The following BCOR variants were observed in gnomAD, a reference collection of about 807,000 sequenced individuals.
The protein encoded by BCOR is BCL-6 corepressor.
BCOR carries 10 observed loss-of-function variants against 86.7 expected under a neutral mutation model. That is an observed-to-expected ratio of 0.12 (90% CI 0.07 to 0.20). BCOR has a LOEUF of 0.20. Among genes scored for constraint, BCOR ranks in the 10% least tolerant of loss-of-function variants. The pLI is 1.00. For synonymous variants in BCOR, 611 were observed against 609.0 expected, an observed-to-expected ratio of 1.00 and a Z score of -0.05; for missense variants, 1,259 against 1,452.1, an observed-to-expected ratio of 0.87 and a Z score of 2.16.
chrX:40,057,467 G>A (rs1396645634), intron 10 of BCOR, 146 bp from the exon 11 acceptor site: 3 of 590,818 alleles, frequency 5.1e-6, no homozygotes, highest in Non-Finnish European at 8.2e-6. Flanking sequence ...TTGGTGAGGG[G>A]GAAACACATG....
chrX:40,113,932 C>T (rs1416834770), intron 1 of BCOR, among the ~76,000 whole-genome samples: 2 of 110,401 alleles, frequency 1.8e-5, no homozygotes, highest in East Asian at 5.6e-4. Flanking sequence ...GATTCTGCTG[C>T]CTTGGTCTCC....
chrX:40,064,538 A>G lies in BCOR; in HGVS notation c.3300T>C (p.Leu1100=). 8.3e-7 allele frequency: 1 copy of G among 1,211,879 alleles called. No homozygotes were observed. The highest frequency in any genetic ancestry group is 1.1e-6 in the Non-Finnish European group (1 of 895,459). ...DPFEAPEDKD[L]PVEKYFVERQ... ...TCTCCACAAAGTACTTCTCCACAGG[A>G]AGATCTTTGTCCTCTGGGGCTTCAA... Residue 1100 remains leucine (L), a synonymous_variant, in exon 7 of 15, where the codon CTT becomes CTC. Transcript: ENST00000378444.
rs1460236900 is a variant in BCOR, at chrX:40,073,357, A to T, written c.1989T>A (p.Pro663=). 8.3e-7 allele frequency: 1 copy of T among 1,210,930 alleles called. No homozygotes were observed. The highest frequency in any genetic ancestry group is 1.7e-5 in the African/African-American group (1 of 57,598). ...YPRSYLPYPA[P]EGIAVSPLSL... The stretch of plus-strand genomic sequence containing the variant: ...AGAGGGGACTTACAGCAATGCCCTC[A>T]GGGGCTGGGTAAGGGAGGTAACTCC... Residue 663 remains proline (P), a synonymous_variant, in exon 4 of 15, where the codon CCT becomes CCA. Transcript: ENST00000378444.
intron 1 of BCOR, among the ~76,000 whole-genome samples, chrX:40,169,664 C>A (rs191014442): frequency 2.2e-4 from 25 of 111,492 alleles, no homozygotes; most frequent in Non-Finnish European, 2.3e-4. Context: ...CAATCCCCCC[C>A]CTACTGGTCG....
chrX:40,064,270 T>TC (rs1935071045), intron 7 of BCOR, 66 bp downstream of exon 7: 1 of 1,196,024 alleles, frequency 8.4e-7, no homozygotes, highest in East Asian at 3.0e-5. Flanking sequence ...ACATCTCCTG[T>TC]CCATCCACTG....
intron 1 of BCOR, among the ~76,000 whole-genome samples, chrX:40,110,980 T>C (rs762597732): frequency 9.0e-6 from 1 of 110,659 alleles, no homozygotes; most frequent in South Asian, 3.8e-4. Context: ...CCCAAAGTGC[T>C]GGGATTACAG....
chrX:40,111,167 G>A (rs1467051758), intron 1 of BCOR, among the ~76,000 whole-genome samples: 1 of 111,563 alleles, frequency 9.0e-6, no homozygotes, highest in Non-Finnish European at 1.9e-5. Context: ...TTAAGTCATC[G>A]TTTCATACCT....
intron 1 of BCOR, among the ~76,000 whole-genome samples, chrX:40,095,143 C>T (rs1365164683): frequency 9.0e-6 from 1 of 111,393 alleles, no homozygotes; most frequent in African/African-American, 3.3e-5. Context: ...TTAATCATCG[C>T]CTTCCCCCCC....
chrX:40,091,091 T>G (rs1020541199), intron 1 of BCOR, among the ~76,000 whole-genome samples: 2 of 112,270 alleles, frequency 1.8e-5, no homozygotes, highest in African/African-American at 3.2e-5. Flanking sequence ...TCACCTGCTC[T>G]GCCCCTGGCA....
chrX:40,172,411 GAA>G (rs1418121744), intron 1 of BCOR, among the ~76,000 whole-genome samples: 1 of 113,008 alleles, frequency 8.8e-6, no homozygotes, highest in Non-Finnish European at 1.9e-5. Context: ...ACCTTGGGGG[GAA>G]AGAGGGCAGC....
chrX:40,066,945 C>T (rs1215064566), intron 6 of BCOR, among the ~76,000 whole-genome samples: 3 of 99,527 alleles, frequency 3.0e-5, no homozygotes, highest in Non-Finnish European at 6.1e-5. Flanking sequence ...ATCAAATCCC[C>T]ATCAGATTAA....
chrX:40,164,773 G>C (rs1938481550), intron 1 of BCOR, among the ~76,000 whole-genome samples: 1 of 112,335 alleles, frequency 8.9e-6, no homozygotes, highest in African/African-American at 3.2e-5. Context: ...TGCAAGAAGT[G>C]TTAGCTTACT....
Position 40,052,298 on chromosome X carries a change from T to C in BCOR, c.5079A>G (p.Ala1693=). Residue 1693 remains alanine, a synonymous_variant, in exon 15 of 15, where the codon GCA becomes GCG. Transcript: ENST00000378444. Reference sequence around the variant, plus strand: ...AAACCTGCCGATAAAATTCTGCCTCTGCAATGGTGACAATTTCCACGTTTG... The same window carrying C: ...AAACCTGCCGATAAAATTCTGCCTCCGCAATGGTGACAATTTCCACGTTTG... ...NFPNVEIVTI[A]EAEFYRQVSA... 1.6e-6 allele frequency: 2 copies of C among 1,212,299 alleles called. No individual in the cohort carries two copies.
rs1228322252 is a variant in BCOR at position 40,139,487 on chromosome X, ATATATATATATTTTTTT to A, written c.-41+37503_-41+37519del. ...TATATATATATATATATATATATAT[ATATATATATATTTTTTT>A]TTTTTTTTAAGCATCAGCCTTAATA... On this transcript the variant is annotated intron_variant, in intron 1 of 14. Transcript: ENST00000342274. Among the ~76,000 whole-genome samples, 2 of 12,677 alleles carry A rather than the reference ATATATATATATTTTTTT, an allele frequency of 1.6e-4. 1 individual carries two copies. The highest frequency in any genetic ancestry group is 1.3e-3 in the African/African-American group (2 of 1,595). The allele number at this position is 12,677 out of a possible 115,157, so 11.0% of individuals were successfully genotyped here.
At chrX:40,109,022 C>CGCG (rs939110543) in intron 1 of BCOR, among the ~76,000 whole-genome samples, 15 of 113,127 alleles carry the variant, frequency 1.3e-4, no homozygotes, top group East Asian at 2.8e-4. Flanking sequence ...CTCCCGGGAA[C>CGCG]GCGGCGGCGG....
chrX:40,055,905 C>T (rs1934569338), intron 11 of BCOR, among the ~76,000 whole-genome samples: 1 of 109,973 alleles, frequency 9.1e-6, no homozygotes, highest in Non-Finnish European at 1.9e-5. Context: ...TCACTGCAGC[C>T]TCGATCTCCT....
chrX:40,052,187 C>G lies in BCOR; in HGVS notation c.5190G>C (p.Thr1730=). Residue 1730 remains threonine, a synonymous_variant, in exon 15 of 15, where the codon ACG becomes ACC. Transcript: ENST00000378444. ...AGCCCAGCAGAGTCTGAATTTCGTT[C>G]GTGAATTCCACCAGATCTAACAGCT... The part of the protein sequence containing the change: ...SKELLDLVEF[T]NEIQTLLGSS... 1 of 1,210,608 alleles carries G rather than the reference C, an allele frequency of 8.3e-7. No individual in the cohort carries two copies. The highest frequency in any genetic ancestry group is 1.7e-5 in the African/African-American group (1 of 57,787).
intron 1 of BCOR, among the ~76,000 whole-genome samples, chrX:40,082,640 C>G (rs982527691): frequency 9.0e-6 from 1 of 111,148 alleles, no homozygotes; most frequent in Non-Finnish European, 1.9e-5. Flanking sequence ...AACATGGTCA[C>G]CACAGCCTCC....
intron 1 of BCOR, among the ~76,000 whole-genome samples, chrX:40,155,068 G>A (rs1017852185): frequency 7.9e-4 from 88 of 110,992 alleles, no homozygotes; most frequent in Non-Finnish European, 1.4e-3. Flanking sequence ...GGGAGGGGAG[G>A]GGGTCGGGGG....
Sources: allele counts gnomAD v4.1 joint callset (sites outside exome capture counted in the v4.1 genomes callset), GRCh38; gene constraint gnomAD v4.1.1; transcripts MANE v1.5; gene names NCBI Gene and HGNC (gene_info 2026-07-23, HGNC 2026-07-21).